The following SH2D4A variants were observed in gnomAD, a reference collection of about 807,000 sequenced individuals.
SH2D4A encodes the protein SH2 domain containing 4A.
A neutral mutation model predicts 64.7 loss-of-function variants in SH2D4A; 70 were observed. The ratio of observed to expected loss-of-function variants is 1.08; its 90% CI spans 0.89 to 1.32. The LOEUF (loss-of-function observed/expected upper bound fraction) is 1.32. Among genes scored for constraint, SH2D4A ranks in the 40% most tolerant of loss-of-function variants. The pLI is 0.00. For missense variants in SH2D4A, 706 were observed against 540.1 expected (o/e 1.31, Z -3.04); for synonymous variants, 268 against 200.7 (o/e 1.34, Z -2.83).
At chr8:19,363,992 C>A (rs2052939182) in intron 6 of SH2D4A, 80 bp from the exon 7 acceptor site, 1 of 1,349,966 alleles carries the variant, frequency 7.4e-7, no homozygotes, top group Non-Finnish European at 1.0e-6. Context: ...GCGCTGCTGC[C>A]CGTTGTGCAA....
chr8:19,334,449 C>T (rs971213893), intron 3 of SH2D4A, among the ~76,000 whole-genome samples: 3 of 152,108 alleles, frequency 2.0e-5, no homozygotes, highest in Admixed American at 6.6e-5. Flanking sequence ...GGATGAATTA[C>T]AAAATTTCTT....
chr8:19,339,411 A>G (rs2052491780), intron 4 of SH2D4A, among the ~76,000 whole-genome samples: 1 of 151,782 alleles, frequency 6.6e-6, no homozygotes, highest in Non-Finnish European at 1.5e-5. Flanking sequence ...CATCACAGGT[A>G]TTCAATACTG....
Position 19,364,165 on chromosome 8 carries a change from G to A in SH2D4A, c.800G>A (p.Gly267Glu). 1 of 1,614,122 alleles carries A rather than the reference G, an allele frequency of 6.2e-7. No individual in the cohort carries two copies. The highest frequency in any genetic ancestry group is 8.5e-7 in the Non-Finnish European group (1 of 1,179,980). The change falls in exon 7 of 10, where the codon GGA becomes GAA. Residue 267 changes from glycine to glutamate, a missense_variant. Gly to Glu is a moderately conservative substitution (Grantham distance 98). Coordinates refer to ENST00000265807, the MANE Select transcript of SH2D4A (RefSeq NM_022071.4). ...AGGTTATCCCTCGGGGCCCAGAAAG[G>A]AAGAGGCGGTGAGAGGCTGCAAAGC... ...YKRLSLGAQK[G>E]RGGERLQSPL...
intron 4 of SH2D4A, among the ~76,000 whole-genome samples, chr8:19,352,897 T>C (rs1357644315): frequency 6.6e-6 from 1 of 151,938 alleles, no homozygotes; most frequent in Non-Finnish European, 1.5e-5. Context: ...TAGTCCCAGC[T>C]ACTTTGGGGG....
intron 7 of SH2D4A, among the ~76,000 whole-genome samples, chr8:19,365,583 C>T (rs193296627): frequency 6.6e-6 from 1 of 152,226 alleles, no homozygotes; most frequent in Non-Finnish European, 1.5e-5. Context: ...TGTAGATGTC[C>T]CTGTCCCACA....
rs147645917 is a variant in SH2D4A at position 19,344,864 on chromosome 8, G to T, written c.513+10007G>T. ...CCAGCAAGGTCTGGGTCAACACTCTGTAAACAAATGCTGTAGTTACTGTAA... is the reference window on the plus strand; with the variant it reads ...CCAGCAAGGTCTGGGTCAACACTCTTTAAACAAATGCTGTAGTTACTGTAA... On this transcript the variant is annotated intron_variant, in intron 4 of 9. Transcript: ENST00000265807. Among the ~76,000 whole-genome samples the T allele has an allele frequency of 1.1e-3, 163 of 152,280 alleles. 2 individuals carry two copies. Among genetic ancestry groups the T allele is most frequent in the African/African-American group, 3.4e-3 (141 of 41,542 alleles).
intron 5 of SH2D4A, among the ~76,000 whole-genome samples, chr8:19,357,576 T>G (rs887408186): frequency 1.3e-5 from 2 of 152,214 alleles, no homozygotes; most frequent in Admixed American, 6.5e-5. Context: ...AAGACTGATT[T>G]CAGACAGTGA....
In SH2D4A at chr8:19,363,854, A is replaced by G. The variant is rs570284046; in HGVS notation, c.707-218A>G. The G allele has an allele frequency of 5.4e-6, 3 of 550,808 alleles. No homozygotes were observed. The South Asian group carries it at 7.2e-5, about 13-fold the overall frequency. 34.1% of individuals were successfully genotyped at this position (550,808 alleles called of 1,614,324 possible). On this transcript the variant is annotated intron_variant, in intron 6 of 9. Transcript: ENST00000265807. ...CCTCTTCCTTTTCTCTCCCTCTCAG[A>G]AAACCCCCAGTCCTGTATGAAGAGA...
intron 8 of SH2D4A, among the ~76,000 whole-genome samples, chr8:19,384,841 A>C (rs1362439441): frequency 1.3e-5 from 2 of 152,248 alleles, no homozygotes. Context: ...TCTGCTAAAA[A>C]TACAGCAGTT....
intron 2 of SH2D4A, among the ~76,000 whole-genome samples, chr8:19,331,007 G>A (rs2052357854): frequency 6.6e-6 from 1 of 152,176 alleles, no homozygotes; most frequent in Non-Finnish European, 1.5e-5. Context: ...TTACCTGGAG[G>A]CCACATTTGC....
chr8:19,376,201 C>T (rs1337017999), intron 8 of SH2D4A, among the ~76,000 whole-genome samples: 2 of 152,176 alleles, frequency 1.3e-5, no homozygotes, highest in African/African-American at 2.4e-5. Context: ...CAAATGCCCC[C>T]TGCTGGCAGC....
At chr8:19,322,961 C>T (rs769370089) in intron 2 of SH2D4A, among the ~76,000 whole-genome samples, 1 of 152,176 alleles carries the variant, frequency 6.6e-6, no homozygotes, top group Non-Finnish European at 1.5e-5. Context: ...ACGCATGACC[C>T]ACCGTGCCCG....
At chr8:19,364,407 G>C in intron 7 of SH2D4A, 125 bp downstream of exon 7, 1 of 1,026,316 alleles carries the variant, frequency 9.7e-7, no homozygotes, top group Non-Finnish European at 1.4e-6. Flanking sequence ...GCCTGTGTAA[G>C]TAGCTCAGGT....
At chr8:19,357,176 C>T (rs756925331) in intron 4 of SH2D4A, 27 bp from the exon 5 acceptor site, 4 of 1,563,026 alleles carry the variant, frequency 2.6e-6, no homozygotes, top group Non-Finnish European at 3.5e-6. Flanking sequence ...CTCCAAATGC[C>T]ATAAATGTGT....
chr8:19,353,529 C>G (rs754188569), intron 4 of SH2D4A, among the ~76,000 whole-genome samples: 3 of 151,804 alleles, frequency 2.0e-5, no homozygotes, highest in African/African-American at 7.3e-5. Flanking sequence ...TCATCACGCC[C>G]GGCTAATTTT....
intron 1 of SH2D4A, 82 bp from the exon 2 acceptor site, chr8:19,319,262 T>A (rs1297370144): frequency 1.9e-6 from 2 of 1,050,412 alleles, no homozygotes; most frequent in Non-Finnish European, 2.3e-6. Flanking sequence ...TGTTTCCTCC[T>A]AGCTTTTTTT....
intron 4 of SH2D4A, among the ~76,000 whole-genome samples, chr8:19,343,037 C>T (rs747816800): frequency 6.6e-6 from 1 of 152,118 alleles, no homozygotes; most frequent in Non-Finnish European, 1.5e-5. Flanking sequence ...CCCTGCACTG[C>T]GAGAGGGTTG....
At chr8:19,386,668 A>G (rs1424021963) in intron 8 of SH2D4A, among the ~76,000 whole-genome samples, 1 of 152,162 alleles carries the variant, frequency 6.6e-6, no homozygotes, top group African/African-American at 2.4e-5. Context: ...AGAACCTAAG[A>G]AGAGAGAGTC....
At chr8:19,318,866 T>A (rs2052134533) in intron 1 of SH2D4A, among the ~76,000 whole-genome samples, 1 of 152,236 alleles carries the variant, frequency 6.6e-6, no homozygotes, top group Non-Finnish European at 1.5e-5. Context: ...TTTTTCTTCC[T>A]TGAGCATGGC....
Sources: allele counts gnomAD v4.1 joint callset (sites outside exome capture counted in the v4.1 genomes callset), GRCh38; gene constraint gnomAD v4.1.1; transcripts MANE v1.5; gene names NCBI Gene and HGNC (gene_info 2026-07-23, HGNC 2026-07-21).